THRAP3: variants seen among roughly 807,000 people sequenced by gnomAD.
The protein encoded by THRAP3 is thyroid hormone receptor associated protein 3.
A neutral mutation model predicts 101.0 loss-of-function variants in THRAP3; 16 were observed. The ratio of observed to expected loss-of-function variants is 0.16; its 90% confidence interval spans 0.11 to 0.24. The LOEUF (loss-of-function observed/expected upper bound fraction) is 0.24, where lower values mean the gene tolerates loss of function less well. Among genes scored for constraint, THRAP3 ranks in the 10% least tolerant of loss-of-function variants. The pLI, the probability that THRAP3 is intolerant of heterozygous loss-of-function variation, is 1.00. For synonymous variants in THRAP3, 407 were observed against 422.6 expected (o/e 0.96, Z 0.45); for missense variants, 989 against 1,202.7 (o/e 0.82, Z 2.63).
At chr1:36,293,275 C>T (rs914238179) in intron 7 of THRAP3, among the ~76,000 whole-genome samples, 6 of 152,024 alleles carry the variant, frequency 3.9e-5, no homozygotes, top group South Asian at 2.1e-4. Flanking sequence ...GTGACCTGCC[C>T]GCCTCAGCCT....
chr1:36,283,955 TG>T (rs1289640175), intron 3 of THRAP3, among the ~76,000 whole-genome samples: 1 of 152,200 alleles, frequency 6.6e-6, no homozygotes, highest in Non-Finnish European at 1.5e-5. Context: ...CTCAGGAAAT[TG>T]CTTTTAAAGC....
At chr1:36,268,719 G>A (rs546577195) in intron 2 of THRAP3, among the ~76,000 whole-genome samples, 1 of 150,524 alleles carries the variant, frequency 6.6e-6, no homozygotes, top group African/African-American at 2.4e-5. Flanking sequence ...TCCAATATGA[G>A]TTAATTTTTT....
chr1:36,301,919 G>C (rs1646035354), intron 11 of THRAP3, among the ~76,000 whole-genome samples: 1 of 152,212 alleles, frequency 6.6e-6, no homozygotes. Context: ...TGGATTCCAA[G>C]ATAAGCAAGA....
chr1:36,253,581 G>A (rs1645335661), intron 1 of THRAP3, among the ~76,000 whole-genome samples: 1 of 151,920 alleles, frequency 6.6e-6, no homozygotes, highest in Non-Finnish European at 1.5e-5. Context: ...TAGAAGTGCT[G>A]TTTTGACTTC....
intron 1 of THRAP3, among the ~76,000 whole-genome samples, chr1:36,245,675 T>C (rs956441484): frequency 5.9e-5 from 9 of 152,234 alleles, no homozygotes; most frequent in African/African-American, 2.2e-4. Flanking sequence ...TTTGCAGAGA[T>C]AAAGTTTACT....
At chr1:36,247,151 T>C (rs183734013) in intron 1 of THRAP3, among the ~76,000 whole-genome samples, 51 of 152,090 alleles carry the variant, frequency 3.4e-4, no homozygotes, top group African/African-American at 1.1e-3. Context: ...ACCCTGTTTC[T>C]ACTAAAGATA....
intron 2 of THRAP3, among the ~76,000 whole-genome samples, chr1:36,268,035 T>C (rs1344648436): frequency 6.6e-6 from 1 of 151,178 alleles, no homozygotes; most frequent in Non-Finnish European, 1.5e-5. Context: ...CAAGAATTAG[T>C]TGGGTGTGGT....
At chr1:36,264,194 A>G (rs1453530526) in intron 2 of THRAP3, among the ~76,000 whole-genome samples, 1 of 152,206 alleles carries the variant, frequency 6.6e-6, no homozygotes, top group East Asian at 1.9e-4. Context: ...GTTTTAATAA[A>G]TAGCAAGAAA....
At chr1:36,260,875 G>A (rs1460105566) in intron 2 of THRAP3, among the ~76,000 whole-genome samples, 3 of 150,188 alleles carry the variant, frequency 2.0e-5, no homozygotes, top group Admixed American at 2.0e-4. Flanking sequence ...AGTCATGGCA[G>A]TATCATGGTT....
At chr1:36,237,643 C>T (rs892962037) in intron 1 of THRAP3, among the ~76,000 whole-genome samples, 1 of 151,562 alleles carries the variant, frequency 6.6e-6, no homozygotes, top group African/African-American at 2.4e-5. Flanking sequence ...TTGTGGCGGG[C>T]GCCTGTAATC....
chr1:36,257,049 G>A (rs975941762), intron 1 of THRAP3, among the ~76,000 whole-genome samples: 12 of 152,006 alleles, frequency 7.9e-5, no homozygotes, highest in African/African-American at 2.9e-4. Context: ...TGCCCGCCTC[G>A]GCCTCCCAAA....
intron 2 of THRAP3, among the ~76,000 whole-genome samples, chr1:36,265,184 CATCTT>C (rs1645497667): frequency 6.6e-6 from 1 of 152,188 alleles, no homozygotes; most frequent in East Asian, 1.9e-4. Flanking sequence ...CTGTAAATAA[CATCTT>C]ACATTAGTAT....
intron 1 of THRAP3, among the ~76,000 whole-genome samples, chr1:36,244,579 C>T (rs1215093555): frequency 6.6e-6 from 1 of 152,168 alleles, no homozygotes; most frequent in East Asian, 1.9e-4. Context: ...GTCACTTCTA[C>T]GTCTAGTCAG....
chr1:36,293,055 G>A (rs1376830154), intron 7 of THRAP3, among the ~76,000 whole-genome samples: 1 of 10,588 alleles, frequency 9.4e-5, no homozygotes, highest in Non-Finnish European at 4.8e-4. Flanking sequence ...TTGAGATGGA[G>A]TGTTGCTCTG....
upstream of THRAP3, among the ~76,000 whole-genome samples, chr1:36,223,729 C>G (rs1463478360): frequency 6.6e-6 from 1 of 152,134 alleles, no homozygotes; most frequent in Non-Finnish European, 1.5e-5. Context: ...CCCAGTAGCA[C>G]CCATTTTAAC....
At chr1:36,252,734 G>C (rs985212496) in intron 1 of THRAP3, among the ~76,000 whole-genome samples, 1 of 151,422 alleles carries the variant, frequency 6.6e-6, no homozygotes, top group Non-Finnish European at 1.5e-5. Flanking sequence ...ACGAAACCCT[G>C]TCTCTACTAA....
At chr1:36,248,836 A>G (rs1448362506) in intron 1 of THRAP3, among the ~76,000 whole-genome samples, 2 of 151,932 alleles carry the variant, frequency 1.3e-5, no homozygotes, top group African/African-American at 4.8e-5. Flanking sequence ...TGTACCAGGC[A>G]TTGCGTTAGG....
chr1:36,273,808 G>A (rs1181431285), intron 2 of THRAP3, among the ~76,000 whole-genome samples: 1 of 152,136 alleles, frequency 6.6e-6, no homozygotes. Flanking sequence ...TTGGGAGGCC[G>A]AGGTGGCAGA....
upstream of THRAP3, among the ~76,000 whole-genome samples, chr1:36,220,189 C>T (rs951521513): frequency 5.9e-5 from 9 of 152,048 alleles, no homozygotes; most frequent in African/African-American, 2.2e-4. Flanking sequence ...GATGGGGTTT[C>T]ACTGTGTTGG....
Sources: gnomAD v4.1 joint callset for allele counts (sites outside exome capture counted in the v4.1 genomes callset) on GRCh38, gnomAD v4.1.1 for gene constraint, MANE v1.5 for transcripts, NCBI Gene and HGNC (gene_info 2026-07-23, HGNC 2026-07-21) for gene names.